KLHL4: variants seen among roughly 807,000 people sequenced by gnomAD.
The protein encoded by KLHL4 is kelch-like protein 4.
KLHL4 carries 17 observed loss-of-function variants against 45.8 expected under a neutral mutation model. The ratio of observed to expected loss-of-function variants is 0.37; its 90% CI spans 0.25 to 0.56. The LOEUF (loss-of-function observed/expected upper bound fraction) is 0.56, where lower values mean the gene tolerates loss of function less well. KLHL4 is among the 20% of genes least tolerant of loss of function. KLHL4 has a pLI of 0.79. For synonymous variants in KLHL4, 224 were observed against 189.9 expected (o/e 1.18, Z -1.47); for missense variants, 544 against 544.9 (o/e 1.00, Z 0.02).
chrX:87,616,084 C>G (rs1377163622), intron 3 of KLHL4, among the ~76,000 whole-genome samples: 1 of 111,042 alleles, frequency 9.0e-6, no homozygotes, highest in Non-Finnish European at 1.9e-5. Context: ...AATGTGACTT[C>G]CTTTTATGAG....
chrX:87,590,671 T>G (rs1460641802), intron 1 of KLHL4, among the ~76,000 whole-genome samples: 1 of 111,663 alleles, frequency 9.0e-6, no homozygotes, highest in South Asian at 3.7e-4. Context: ...AATAGAATGT[T>G]CAAAAATAAG....
chrX:87,535,044 C>A (rs1455383963), intron 1 of KLHL4, among the ~76,000 whole-genome samples: 1 of 111,741 alleles, frequency 8.9e-6, no homozygotes, highest in South Asian at 3.7e-4. Flanking sequence ...CTTGAACTTA[C>A]CATAAATGAT....
intron 9 of KLHL4, among the ~76,000 whole-genome samples, chrX:87,655,940 T>C (rs1393528678): frequency 1.8e-5 from 2 of 111,710 alleles, no homozygotes; most frequent in Non-Finnish European, 3.8e-5. Flanking sequence ...CTTCTTCATT[T>C]ATGATGCTTA....
intron 4 of KLHL4, among the ~76,000 whole-genome samples, chrX:87,621,410 A>G (rs961991781): frequency 1.1e-4 from 12 of 110,774 alleles, no homozygotes; most frequent in African/African-American, 3.6e-4. Context: ...TAAAAAAATG[A>G]AACACAGATG....
At chrX:87,530,475 G>A (rs1213991649) in intron 1 of KLHL4, among the ~76,000 whole-genome samples, 1 of 84,536 alleles carries the variant, frequency 1.2e-5, no homozygotes, top group Admixed American at 1.6e-4. Flanking sequence ...CTGTGTCCAT[G>A]TGATCTCATT....
Position 87,534,271 on chromosome X carries a change from T to C in KLHL4, c.422+15956T>C, listed in dbSNP as rs531801269. ...GTAGGGAGCTCATTAAAAATGTAGT[T>C]ATTCAGTATCCAGTATCACAGAATT... On this transcript the variant is annotated intron_variant, in intron 1 of 10. Coordinates refer to ENST00000373119, the MANE Select transcript of KLHL4 (RefSeq NM_019117.5). Among the ~76,000 whole-genome samples the C allele has an allele frequency of 2.1e-4, 23 of 110,955 alleles. No individual in the cohort carries two copies. The South Asian group carries it at 8.7e-3, about 42-fold the overall frequency.
chrX:87,647,616 G>C (rs752961510), intron 9 of KLHL4, among the ~76,000 whole-genome samples: 2 of 111,909 alleles, frequency 1.8e-5, no homozygotes, highest in African/African-American at 6.5e-5. Flanking sequence ...ATTATTCTAA[G>C]TGAAGTAACT....
At chrX:87,613,357 G>A (rs1466207424) in intron 1 of KLHL4, among the ~76,000 whole-genome samples, 1 of 111,397 alleles carries the variant, frequency 9.0e-6, no homozygotes, top group Admixed American at 9.6e-5. Context: ...AATAAAAGGT[G>A]GAATTATGTC....
chrX:87,519,178 A>G (rs979050943), intron 1 of KLHL4, among the ~76,000 whole-genome samples: 13 of 111,795 alleles, frequency 1.2e-4, no homozygotes, highest in Middle Eastern at 4.6e-3. Flanking sequence ...TATAGTCCCA[A>G]CGTGTTTTAG....
chrX:87,658,930 A>G (rs1924084695), intron 9 of KLHL4, among the ~76,000 whole-genome samples: 1 of 109,912 alleles, frequency 9.1e-6, no homozygotes, highest in South Asian at 3.8e-4. Flanking sequence ...TTTATCTCTG[A>G]CTTTTGACAG....
chrX:87,534,002 C>G (rs1473808046), intron 1 of KLHL4, among the ~76,000 whole-genome samples: 2 of 110,940 alleles, frequency 1.8e-5, no homozygotes, highest in African/African-American at 6.5e-5. Context: ...ACCACAAAAC[C>G]GGAAATAGGA....
At chrX:87,551,608 T>TAGATAGATGATAGATAGATAGATAGAA (rs761675267) in intron 1 of KLHL4, among the ~76,000 whole-genome samples, 1 of 107,112 alleles carries the variant, frequency 9.3e-6, no homozygotes, top group African/African-American at 3.4e-5. Context: ...GATAGATAGA[T>TAGATAGATGATAGATAGATAGATAGAA]AGAAATAGAA....
chrX:87,622,810 A>G (rs1922797492), intron 5 of KLHL4, among the ~76,000 whole-genome samples: 1 of 111,269 alleles, frequency 9.0e-6, no homozygotes, highest in African/African-American at 3.3e-5. Context: ...GTACTGAATA[A>G]TATCTTTTAA....
chrX:87,640,434 A>G (rs1203179074), intron 9 of KLHL4, among the ~76,000 whole-genome samples: 1 of 111,784 alleles, frequency 8.9e-6, no homozygotes, highest in Non-Finnish European at 1.9e-5. Context: ...AGATGCAAAA[A>G]TTCTCAACAC....
rs1437496630 is a variant in KLHL4 at position 87,633,788 on chromosome X, G to A, written c.1589G>A (p.Gly530Asp). ...TLEGPMYAVG[G>D]HDGWSYLNTV... is the part of the protein sequence containing the mutation. ...GAAGGACCAATGTATGCTGTAGGTGGTCATGATGGATGGAGCTATCTAAAT... is the reference window on the plus strand; with the variant it reads ...GAAGGACCAATGTATGCTGTAGGTGATCATGATGGATGGAGCTATCTAAAT... Residue 530 changes from glycine (G) to aspartate (D), a missense_variant, in exon 8 of 11, where the codon GGT becomes GAT. Transcript: ENST00000373119. 2 of 1,204,864 alleles carry A rather than the reference G, an allele frequency of 1.7e-6. No homozygotes were observed. Among genetic ancestry groups the A allele is most frequent in the African/African-American group, 3.5e-5 (2 of 57,039 alleles).
chrX:87,539,099 G>A (rs773139013), intron 1 of KLHL4, among the ~76,000 whole-genome samples: 59 of 110,873 alleles, frequency 5.3e-4, no homozygotes, highest in African/African-American at 1.9e-3. Context: ...AAAGAAATCA[G>A]AAATATACAA....
intron 1 of KLHL4, among the ~76,000 whole-genome samples, chrX:87,545,004 G>T (rs750756644): frequency 5.4e-4 from 61 of 112,272 alleles, no homozygotes; most frequent in African/African-American, 1.9e-3. Flanking sequence ...TGATATTTCA[G>T]ACAGAGAATT....
chrX:87,614,137 A>C, intron 2 of KLHL4, 93 bp downstream of exon 2: 2 of 688,263 alleles, frequency 2.9e-6, no homozygotes, highest in Non-Finnish European at 4.3e-6. Flanking sequence ...AATATTGTAA[A>C]AATATTTATT....
chrX:87,660,473 G>GA (rs1182277653), intron 9 of KLHL4, among the ~76,000 whole-genome samples: 1 of 111,737 alleles, frequency 8.9e-6, no homozygotes, highest in African/African-American at 3.3e-5. Flanking sequence ...CTATATTTGG[G>GA]AAAAAATGTC....
Sources: allele counts gnomAD v4.1 joint callset (sites outside exome capture counted in the v4.1 genomes callset), GRCh38; gene constraint gnomAD v4.1.1; transcripts MANE v1.5; gene names NCBI Gene and HGNC (gene_info 2026-07-23, HGNC 2026-07-21).